The following CNTN5 variants were observed in gnomAD, a reference collection of about 807,000 sequenced individuals.
CNTN5 encodes contactin-5.
CNTN5 carries 77 observed loss-of-function variants against 129.1 expected under a neutral mutation model. The observed-to-expected ratio is 0.60, with a 90% CI of 0.50 to 0.72. CNTN5 has a LOEUF of 0.72. Among genes scored for constraint, CNTN5 ranks in the 30% least tolerant of loss-of-function variants. The probability of loss-of-function intolerance (pLI) is 0.00; values close to 1 mark genes in which losing one functional copy is unlikely to be tolerated. For synonymous variants in CNTN5, 509 were observed against 465.6 expected, an observed-to-expected ratio of 1.09 and a Z score of -1.20; for missense variants, 1,478 against 1,328.8, an observed-to-expected ratio of 1.11 and a Z score of -1.75.
chr11:99,656,859 C>A (rs934612330), intron 3 of CNTN5, among the ~76,000 whole-genome samples: 1 of 151,900 alleles, frequency 6.6e-6, no homozygotes, highest in Non-Finnish European at 1.5e-5. Context: ...AAAATACCCA[C>A]CAGAACGTAT....
intron 2 of CNTN5, among the ~76,000 whole-genome samples, chr11:99,382,733 C>A (rs1328307489): frequency 1.4e-5 from 2 of 147,252 alleles, no homozygotes; most frequent in Non-Finnish European, 3.0e-5. Context: ...TTAATGTTTT[C>A]TTATGGGAGG....
chr11:99,264,741 A>T (rs1862807142), intron 1 of CNTN5, among the ~76,000 whole-genome samples: 1 of 152,128 alleles, frequency 6.6e-6, no homozygotes, highest in Admixed American at 6.6e-5. Flanking sequence ...ACTTGATCAT[A>T]AACTAAGAAG....
intron 2 of CNTN5, among the ~76,000 whole-genome samples, chr11:99,523,653 A>T (rs1049147933): frequency 0.046 from 4,031 of 88,230 alleles, 119 homozygotes; most frequent in Middle Eastern, 0.066. Flanking sequence ...ATAGAATAGA[A>T]CAGAACAGAT....
At chr11:99,725,263 A>G (rs1199679135) in intron 3 of CNTN5, among the ~76,000 whole-genome samples, 1 of 152,170 alleles carries the variant, frequency 6.6e-6, no homozygotes, top group Non-Finnish European at 1.5e-5. Flanking sequence ...AAAAGCAACA[A>G]TGAGATAAAG....
intron 1 of CNTN5, among the ~76,000 whole-genome samples, chr11:99,186,612 G>C (rs10790511): frequency 0.95 from 143,915 of 151,986 alleles, 68,197 homozygotes; most frequent in East Asian, 1. Flanking sequence ...TTTCTACTAT[G>C]ATGGCATTAT....
chr11:99,041,803 A>G (rs1863993351), intron 1 of CNTN5, among the ~76,000 whole-genome samples: 1 of 152,230 alleles, frequency 6.6e-6, no homozygotes, highest in Non-Finnish European at 1.5e-5. Flanking sequence ...AATGGCTCTG[A>G]GTCAATGATA....
chr11:99,328,936 AT>A (rs1865896373), intron 2 of CNTN5, among the ~76,000 whole-genome samples: 1 of 151,990 alleles, frequency 6.6e-6, no homozygotes, highest in Non-Finnish European at 1.5e-5. Flanking sequence ...GTGAAACTAA[AT>A]AGAATGGCTT....
At chr11:99,160,490 C>T in intron 1 of CNTN5, among the ~76,000 whole-genome samples, 1 of 152,172 alleles carries the variant, frequency 6.6e-6, no homozygotes, top group East Asian at 1.9e-4. Flanking sequence ...AATTTTTACA[C>T]TGTACCTCAC....
chr11:100,091,746 T>C (rs920573419), intron 13 of CNTN5, among the ~76,000 whole-genome samples: 6 of 152,068 alleles, frequency 3.9e-5, no homozygotes, highest in African/African-American at 1.4e-4. Flanking sequence ...ATTTTTTATT[T>C]GTCTCACTAA....
intron 6 of CNTN5, among the ~76,000 whole-genome samples, chr11:99,860,814 G>T (rs1948179787): frequency 6.6e-6 from 1 of 151,902 alleles, no homozygotes; most frequent in African/African-American, 2.4e-5. Context: ...ATGAATTTTA[G>T]AATTTTTTTT....
chr11:99,929,219 C>G (rs1950134793), intron 7 of CNTN5, among the ~76,000 whole-genome samples: 1 of 152,330 alleles, frequency 6.6e-6, no homozygotes, highest in Non-Finnish European at 1.5e-5. Flanking sequence ...AGCCATTCAA[C>G]AAGTATCTAG....
intron 13 of CNTN5, among the ~76,000 whole-genome samples, chr11:100,080,720 T>C (rs147830289): frequency 5.9e-5 from 9 of 152,270 alleles, no homozygotes; most frequent in East Asian, 3.9e-4. Context: ...GTCTTTTACA[T>C]ATTAAGAACG....
At chr11:99,432,135 C>A (rs1465166140) in intron 2 of CNTN5, among the ~76,000 whole-genome samples, 1 of 152,174 alleles carries the variant, frequency 6.6e-6, no homozygotes, top group Non-Finnish European at 1.5e-5. Flanking sequence ...ACTCAGCTTT[C>A]AGCTTAATAT....
intron 6 of CNTN5, among the ~76,000 whole-genome samples, chr11:99,895,146 T>C (rs986147280): frequency 1.3e-5 from 2 of 152,140 alleles, no homozygotes; most frequent in African/African-American, 4.8e-5. Flanking sequence ...AATTGTGATT[T>C]TTGCTGCTCC....
chr11:100,043,880 C>G (rs1942507183), intron 9 of CNTN5, among the ~76,000 whole-genome samples: 1 of 152,124 alleles, frequency 6.6e-6, no homozygotes, highest in South Asian at 2.1e-4. Context: ...GTTATTACAG[C>G]ATTCACTTTG....
intron 2 of CNTN5, among the ~76,000 whole-genome samples, chr11:99,444,424 T>C (rs1259147714): frequency 2.6e-5 from 4 of 152,218 alleles, no homozygotes; most frequent in Admixed American, 6.5e-5. Flanking sequence ...ATGGCATATG[T>C]GTGTAAAATA....
chr11:99,708,320 T>A (rs369034611), intron 3 of CNTN5, among the ~76,000 whole-genome samples: 69 of 151,896 alleles, frequency 4.5e-4, no homozygotes, highest in African/African-American at 1.5e-3. Context: ...ATATTAGAGA[T>A]GCATTAAATA....
At chr11:99,292,334 G>A (rs1159750094) in intron 1 of CNTN5, among the ~76,000 whole-genome samples, 1 of 151,720 alleles carries the variant, frequency 6.6e-6, no homozygotes, top group East Asian at 1.9e-4. Flanking sequence ...AATATGGTAG[G>A]TCAAAGTAAT....
chr11:99,615,628 TC>T (rs1368667307), intron 3 of CNTN5, among the ~76,000 whole-genome samples: 3 of 152,190 alleles, frequency 2.0e-5, no homozygotes, highest in African/African-American at 7.2e-5. Context: ...TACAGAGAAG[TC>T]CTATGTACCT....
Sources: gnomAD v4.1 joint callset for allele counts (sites outside exome capture counted in the v4.1 genomes callset) on GRCh38, gnomAD v4.1.1 for gene constraint, MANE v1.5 for transcripts, NCBI Gene and HGNC (gene_info 2026-07-23, HGNC 2026-07-21) for gene names.